Variants in ST8SIA6 observed in about 807,000 individuals in gnomAD.
ST8SIA6 encodes the protein alpha-2,8-sialyltransferase 8F.
A neutral mutation model predicts 33.6 loss-of-function variants in ST8SIA6; 39 were observed. That is an observed-to-expected ratio of 1.16 (90% CI 0.90 to 1.52). The LOEUF is 1.52. Among genes scored for constraint, ST8SIA6 ranks in the 40% most tolerant of loss-of-function variants. The pLI is 0.00. For synonymous variants in ST8SIA6, 172 were observed against 167.2 expected (o/e 1.03, Z -0.22); for missense variants, 441 against 443.8 (o/e 0.99, Z 0.06).
intron 2 of ST8SIA6, among the ~76,000 whole-genome samples, chr10:17,405,209 A>G (rs1851210872): frequency 6.6e-6 from 1 of 152,004 alleles, no homozygotes; most frequent in African/African-American, 2.4e-5. Flanking sequence ...CCTTTATAAA[A>G]AAACTTTAAA....
rs191832647 is a variant in ST8SIA6 at position 17,336,840 on chromosome 10, C to T, written c.378-5288G>A. ...AACTCCCGACCCTAGTTGATCCACC[C>T]CCCTCGGCCTCCAAAAGTGCTGGGA... On this transcript the variant is annotated intron_variant, in intron 4 of 7. Transcript: ENST00000377602. Among the ~76,000 whole-genome samples the T allele has an allele frequency of 2.2e-3, 333 of 152,208 alleles. 1 individual carries two copies. Among genetic ancestry groups the T allele is most frequent in the African/African-American group, 7.7e-3 (320 of 41,544 alleles).
In ST8SIA6 at chr10:17,316,371, T is replaced by C. The variant is rs1026636049; in HGVS notation, c.*4507A>G. ...CTAACTGCTGTATCATATTCCACAC[T>C]ATGGATCCAGTCAAGTTAGTTCACT... On this transcript the variant is annotated 3_prime_UTR_variant, in exon 8 of 8. Coordinates refer to ENST00000377602, the MANE Select transcript of ST8SIA6 (RefSeq NM_001004470.3). 6.6e-6 allele frequency among the ~76,000 whole-genome samples: 1 copy of C among 152,130 alleles called. No homozygotes were observed. The highest frequency in any genetic ancestry group is 1.5e-5 in the Non-Finnish European group (1 of 67,954).
chr10:17,385,757 G>C (rs1420417383), intron 3 of ST8SIA6, among the ~76,000 whole-genome samples: 1 of 152,116 alleles, frequency 6.6e-6, no homozygotes, highest in Non-Finnish European at 1.5e-5. Context: ...GCCTGACAGA[G>C]GTCTCATACC....
intron 2 of ST8SIA6, among the ~76,000 whole-genome samples, chr10:17,450,097 C>G (rs973414399): frequency 4.6e-5 from 7 of 152,152 alleles, no homozygotes; most frequent in African/African-American, 1.7e-4. Context: ...GTGGAGCTAG[C>G]TAGCAACAGC....
rs1442548462 is a variant in ST8SIA6 at position 17,315,800 on chromosome 10, G to T, written c.*5078C>A. Among the ~76,000 whole-genome samples the T allele has an allele frequency of 6.6e-6, 1 of 151,768 alleles. No homozygotes were observed. Among genetic ancestry groups the T allele is most frequent in the Non-Finnish European group, 1.5e-5 (1 of 67,824 alleles). ...AAAGTAGCACAAGAAAACATTTTGG[G>T]GTAATGAATATATACATTGTCTTAA... On this transcript the variant is annotated 3_prime_UTR_variant, in exon 8 of 8. Coordinates refer to ENST00000377602, the MANE Select transcript of ST8SIA6 (RefSeq NM_001004470.3).
At chr10:17,443,983 T>C (rs1448821561) in intron 2 of ST8SIA6, among the ~76,000 whole-genome samples, 1 of 152,216 alleles carries the variant, frequency 6.6e-6, no homozygotes, top group Non-Finnish European at 1.5e-5. Flanking sequence ...AGGGGATATA[T>C]TTCTTTCCTT....
chr10:17,336,011 A>T (rs534963678), intron 4 of ST8SIA6, among the ~76,000 whole-genome samples: 7 of 151,264 alleles, frequency 4.6e-5, no homozygotes, highest in Middle Eastern at 3.4e-3. Context: ...GCTGGAGTGC[A>T]GTGGTGGGAT....
intron 3 of ST8SIA6, among the ~76,000 whole-genome samples, chr10:17,383,007 T>C (rs927535857): frequency 1.3e-5 from 2 of 151,884 alleles, no homozygotes; most frequent in East Asian, 1.9e-4. Context: ...ATAATGAAGA[T>C]TAAATTTTAT....
At chr10:17,391,259 A>T (rs543846953) in intron 2 of ST8SIA6, among the ~76,000 whole-genome samples, 7,853 of 151,158 alleles carry the variant, frequency 0.052, 266 homozygotes, top group Non-Finnish European at 0.076. Flanking sequence ...TTTTATTTTT[A>T]TTTATTTATT....
chr10:17,317,478 A>G lies in ST8SIA6; in HGVS notation c.*3400T>C, dbSNP rs983987473. On this transcript the variant is annotated 3_prime_UTR_variant, in exon 8 of 8. Transcript: ENST00000377602. ...CATCAGATATATCAGATGAATTCCT[A>G]CAATGCCTTCAATTTTTAATGGCAT... Among the ~76,000 whole-genome samples the G allele has an allele frequency of 6.6e-6, 1 of 152,212 alleles. No homozygotes were observed. The highest frequency in any genetic ancestry group is 6.5e-5 in the Admixed American group (1 of 15,274).
chr10:17,400,602 C>T (rs933585258), intron 2 of ST8SIA6, among the ~76,000 whole-genome samples: 1 of 152,194 alleles, frequency 6.6e-6, no homozygotes, highest in Middle Eastern at 3.2e-3. Flanking sequence ...GGGCTTATCC[C>T]TGGGATGCAA....
chr10:17,339,394 G>C (rs1473517083), intron 4 of ST8SIA6, among the ~76,000 whole-genome samples: 1 of 152,086 alleles, frequency 6.6e-6, no homozygotes, highest in Non-Finnish European at 1.5e-5. Flanking sequence ...GAGGCTGCAG[G>C]CACTTTCCAG....
At chr10:17,389,154 C>G (rs1850487500) in intron 3 of ST8SIA6, among the ~76,000 whole-genome samples, 2 of 152,286 alleles carry the variant, frequency 1.3e-5, no homozygotes, top group African/African-American at 2.4e-5. Context: ...GCACTCCCCA[C>G]TGCCCAAGCG....
At chr10:17,420,268 T>C (rs1564455942) in intron 2 of ST8SIA6, among the ~76,000 whole-genome samples, 1 of 151,676 alleles carries the variant, frequency 6.6e-6, no homozygotes, top group Non-Finnish European at 1.5e-5. Flanking sequence ...AAAAATTAGC[T>C]GGGTGTGGTG....
chr10:17,393,904 C>G lies in ST8SIA6; in HGVS notation c.201-3284G>C, dbSNP rs116961562. On this transcript the variant is annotated intron_variant, in intron 2 of 7. Transcript: ENST00000377602. ...CTCCCCCGCCACTTCCTTCCCAATT[C>G]CCTCTAATTCATTCTCCACGCATCA... Among the ~76,000 whole-genome samples the G allele has an allele frequency of 3.9e-4, 59 of 152,334 alleles. No homozygotes were observed. The East Asian group carries it at 4.2e-3, about 11-fold the overall frequency.
At chr10:17,351,948 A>G (rs1175877680) in intron 4 of ST8SIA6, among the ~76,000 whole-genome samples, 1 of 152,064 alleles carries the variant, frequency 6.6e-6, no homozygotes, top group Non-Finnish European at 1.5e-5. Flanking sequence ...GAAAGAATAC[A>G]TTTTTCAAGA....
intron 2 of ST8SIA6, among the ~76,000 whole-genome samples, chr10:17,423,389 C>T (rs910042011): frequency 2.0e-5 from 3 of 152,106 alleles, no homozygotes; most frequent in Non-Finnish European, 1.5e-5. Flanking sequence ...ACTTAATATT[C>T]CTGGGATTCA....
chr10:17,367,027 T>A (rs1271553366), intron 3 of ST8SIA6, among the ~76,000 whole-genome samples: 1 of 152,218 alleles, frequency 6.6e-6, no homozygotes, highest in Non-Finnish European at 1.5e-5. Context: ...ATGTTAGTTC[T>A]CAGCATTATT....
At chr10:17,321,702 T>C (rs1480313150) in intron 7 of ST8SIA6, among the ~76,000 whole-genome samples, 1 of 152,238 alleles carries the variant, frequency 6.6e-6, no homozygotes, top group Non-Finnish European at 1.5e-5. Flanking sequence ...TAAAATATTT[T>C]TTCAAGCATA....
Sources: gnomAD v4.1 joint callset for allele counts (sites outside exome capture counted in the v4.1 genomes callset) on GRCh38, gnomAD v4.1.1 for gene constraint, MANE v1.5 for transcripts, NCBI Gene and HGNC (gene_info 2026-07-23, HGNC 2026-07-21) for gene names.